The following PTPRO variants were observed in gnomAD, a reference collection of about 807,000 sequenced individuals.
PTPRO encodes receptor-type tyrosine-protein phosphatase O.
PTPRO carries 62 observed loss-of-function variants against 145.2 expected under a neutral mutation model. The observed-to-expected ratio is 0.43, with a 90% confidence interval of 0.35 to 0.53. The LOEUF (loss-of-function observed/expected upper bound fraction) is 0.53. PTPRO is among the 20% of genes least tolerant of loss of function. The probability of loss-of-function intolerance (pLI) is 0.01; values close to 1 mark genes in which losing one functional copy is unlikely to be tolerated. For synonymous variants in PTPRO, 565 were observed against 514.7 expected (o/e 1.10, Z -1.32); for missense variants, 1,345 against 1,482.7 (o/e 0.91, Z 1.53).
intron 1 of PTPRO, among the ~76,000 whole-genome samples, chr12:15,419,761 G>C (rs879484771): frequency 6.6e-6 from 1 of 150,840 alleles, no homozygotes; most frequent in Non-Finnish European, 1.5e-5. Context: ...AGAAAATAGA[G>C]GTAATCCAAC....
chr12:15,565,959 A>C (rs1035763299), intron 18 of PTPRO, among the ~76,000 whole-genome samples: 2 of 152,178 alleles, frequency 1.3e-5, no homozygotes, highest in African/African-American at 4.8e-5. Context: ...AACTACATCA[A>C]AGGGTTTCAA....
At chr12:15,437,719 C>G (rs1265324947) in intron 1 of PTPRO, among the ~76,000 whole-genome samples, 1 of 152,222 alleles carries the variant, frequency 6.6e-6, no homozygotes, top group Non-Finnish European at 1.5e-5. Context: ...CACCCACTCT[C>G]CTGGATTAGG....
At chr12:15,404,636 A>G (rs1184628501) in intron 1 of PTPRO, among the ~76,000 whole-genome samples, 1 of 152,196 alleles carries the variant, frequency 6.6e-6, no homozygotes, top group Non-Finnish European at 1.5e-5. Context: ...AGTGGAAGTT[A>G]TTAATCATAC....
At chr12:15,521,563 A>C in intron 10 of PTPRO, among the ~76,000 whole-genome samples, 1 of 152,222 alleles carries the variant, frequency 6.6e-6, no homozygotes, top group East Asian at 1.9e-4. Flanking sequence ...GAAAAAGCTC[A>C]GATGTAACAT....
intron 1 of PTPRO, among the ~76,000 whole-genome samples, chr12:15,396,728 A>G (rs1251304956): frequency 6.6e-6 from 1 of 152,142 alleles, no homozygotes; most frequent in Non-Finnish European, 1.5e-5. Context: ...ATGATTCTAT[A>G]GAGGAAGAAA....
At chr12:15,594,828 A>T (rs1431623070) in intron 25 of PTPRO, 109 bp from the exon 26 acceptor site, 15 of 769,546 alleles carry the variant, frequency 1.9e-5, no homozygotes, top group Non-Finnish European at 2.9e-5. Context: ...GTAAATAATG[A>T]AAATGGTTTC....
At chr12:15,355,949 C>A (rs1341425139) in intron 1 of PTPRO, among the ~76,000 whole-genome samples, 1 of 152,142 alleles carries the variant, frequency 6.6e-6, no homozygotes, top group African/African-American at 2.4e-5. Context: ...TGCTAGGAGG[C>A]AGAATGCATA....
intron 12 of PTPRO, among the ~76,000 whole-genome samples, chr12:15,531,238 C>G (rs768368002): frequency 3.3e-4 from 50 of 151,984 alleles, no homozygotes; most frequent in Non-Finnish European, 6.0e-4. Flanking sequence ...CAAAGAAAGC[C>G]CAGGTCCTGA....
rs115115875 is a variant in PTPRO at position 15,338,207 on chromosome 12, G to A, written c.75+15406G>A. Among the ~76,000 whole-genome samples the A allele has an allele frequency of 7.6e-3, 1,159 of 152,164 alleles. 9 individuals carry two copies. The highest frequency in any genetic ancestry group is 0.026 in the African/African-American group (1,065 of 41,514). ...TTCCTGTATATTTCCTTGCAACTTC[G>A]TATAAATCTGTAGTTATCTCCAGGA... On this transcript the variant is annotated intron_variant, in intron 1 of 26. Coordinates refer to ENST00000281171, the MANE Select transcript of PTPRO (RefSeq NM_030667.3).
intron 1 of PTPRO, among the ~76,000 whole-genome samples, chr12:15,420,148 GAAAA>G (rs35302259): frequency 2.4e-5 from 2 of 81,712 alleles, no homozygotes; most frequent in Non-Finnish European, 4.6e-5. Context: ...CTCCGACTCA[GAAAA>G]AAAAAAAAAA....
intron 1 of PTPRO, among the ~76,000 whole-genome samples, chr12:15,361,343 A>G (rs11056450): frequency 0.23 from 35,039 of 150,602 alleles, 4,266 homozygotes; most frequent in Non-Finnish European, 0.27. Context: ...GGAAGCTGAG[A>G]CAGGAGAATC....
At chr12:15,399,877 C>T (rs1939440971) in intron 1 of PTPRO, among the ~76,000 whole-genome samples, 1 of 151,198 alleles carries the variant, frequency 6.6e-6, no homozygotes, top group Non-Finnish European at 1.5e-5. Flanking sequence ...ATGGTGAAAC[C>T]TCATCTCTAC....
chr12:15,557,904 AT>A (rs1323038815), intron 16 of PTPRO, among the ~76,000 whole-genome samples: 1 of 151,876 alleles, frequency 6.6e-6, no homozygotes, highest in Non-Finnish European at 1.5e-5. Context: ...TCTCCATTTT[AT>A]TTTATATTTT....
At chr12:15,323,615 G>A (rs1866364301) in intron 1 of PTPRO, among the ~76,000 whole-genome samples, 1 of 152,138 alleles carries the variant, frequency 6.6e-6, no homozygotes, top group Admixed American at 6.5e-5. Flanking sequence ...ACGGCGATGT[G>A]AAGTTCTGAA....
chr12:15,533,282 C>A (rs1942998725), intron 12 of PTPRO, among the ~76,000 whole-genome samples: 1 of 151,998 alleles, frequency 6.6e-6, no homozygotes, highest in Non-Finnish European at 1.5e-5. Context: ...GATCAATAAC[C>A]TTTTTCTTAT....
At chr12:15,361,590 A>C (rs1318101819) in intron 1 of PTPRO, among the ~76,000 whole-genome samples, 1 of 152,150 alleles carries the variant, frequency 6.6e-6, no homozygotes, top group Non-Finnish European at 1.5e-5. Context: ...GGCCACAGAA[A>C]ACAATATCCT....
At chr12:15,431,356 C>A (rs891126737) in intron 1 of PTPRO, among the ~76,000 whole-genome samples, 2 of 152,150 alleles carry the variant, frequency 1.3e-5, no homozygotes, top group African/African-American at 2.4e-5. Flanking sequence ...AATTTGCCTT[C>A]AAAAATTATA....
At chr12:15,427,283 C>G (rs1376513843) in intron 1 of PTPRO, among the ~76,000 whole-genome samples, 2 of 151,828 alleles carry the variant, frequency 1.3e-5, no homozygotes, top group Non-Finnish European at 2.9e-5. Flanking sequence ...GTCTTTTATG[C>G]CTCATGTTTT....
chr12:15,347,902 C>T (rs1379164387), intron 1 of PTPRO, among the ~76,000 whole-genome samples: 1 of 152,102 alleles, frequency 6.6e-6, no homozygotes, highest in Admixed American at 6.5e-5. Flanking sequence ...ATACAATTTA[C>T]CTATGGCCCT....
Sources: gnomAD v4.1 joint callset for allele counts (sites outside exome capture counted in the v4.1 genomes callset) on GRCh38, gnomAD v4.1.1 for gene constraint, MANE v1.5 for transcripts, NCBI Gene and HGNC (gene_info 2026-07-23, HGNC 2026-07-21) for gene names.